The following MAGI2 variants were observed in gnomAD, a reference collection of about 807,000 sequenced individuals.
MAGI2 encodes the protein membrane associated guanylate kinase, WW and PDZ domain containing 2.
MAGI2 carries 35 observed loss-of-function variants against 133.3 expected under a neutral mutation model. The ratio of observed to expected loss-of-function variants is 0.26; its 90% CI spans 0.20 to 0.35. MAGI2 has a LOEUF of 0.35. MAGI2 is among the 10% of genes least tolerant of loss of function. The pLI, the probability that MAGI2 is intolerant of heterozygous loss-of-function variation, is 1.00. For synonymous variants in MAGI2, 729 were observed against 710.6 expected, an observed-to-expected ratio of 1.03 and a Z score of -0.41; for missense variants, 1,636 against 1,863.4, an observed-to-expected ratio of 0.88 and a Z score of 2.25.
chr7:79,260,133 C>T (rs537991414), intron 1 of MAGI2, among the ~76,000 whole-genome samples: 3 of 152,290 alleles, frequency 2.0e-5, no homozygotes, highest in African/African-American at 7.2e-5. Context: ...GCAGGTGGAT[C>T]GCTTGAACTC....
At chr7:79,153,563 G>A (rs771002142) in intron 1 of MAGI2, among the ~76,000 whole-genome samples, 100 of 152,134 alleles carry the variant, frequency 6.6e-4, no homozygotes, top group Non-Finnish European at 1.2e-3. Context: ...GAGTAACTAC[G>A]TGAAAATGAA....
chr7:79,228,370 A>AAAAAAAAAAAAAAAAAAAAAAAAAC (rs1491129211), intron 1 of MAGI2, among the ~76,000 whole-genome samples: 6 of 147,256 alleles, frequency 4.1e-5, no homozygotes, highest in Non-Finnish European at 6.0e-5. Context: ...AAAAAAAAAA[A>AAAAAAAAAAAAAAAAAAAAAAAAAC]GATCGTGGGA....
At chr7:78,297,745 C>G (rs1050119625) in intron 9 of MAGI2, among the ~76,000 whole-genome samples, 1 of 149,212 alleles carries the variant, frequency 6.7e-6, no homozygotes, top group Non-Finnish European at 1.5e-5. Flanking sequence ...AACCAAACAC[C>G]GCATATTCTC....
At chr7:79,209,814 A>G (rs1829357050) in intron 1 of MAGI2, among the ~76,000 whole-genome samples, 1 of 152,090 alleles carries the variant, frequency 6.6e-6, no homozygotes, top group Admixed American at 6.5e-5. Flanking sequence ...TATCTCCTCT[A>G]TAAGACTGTT....
chr7:78,059,905 A>G (rs1449191168), intron 21 of MAGI2, among the ~76,000 whole-genome samples: 1 of 151,984 alleles, frequency 6.6e-6, no homozygotes, highest in Non-Finnish European at 1.5e-5. Context: ...CCCCTTTTCC[A>G]CAACAGAAAG....
chr7:79,410,396 C>T (rs959230726), intron 1 of MAGI2: 1 of 152,048 alleles, frequency 6.6e-6, no homozygotes, highest in African/African-American at 2.4e-5. Flanking sequence ...TATATCCATC[C>T]AACAGTGTGT....
chr7:79,218,348 A>G (rs1476352544), intron 1 of MAGI2, among the ~76,000 whole-genome samples: 1 of 152,076 alleles, frequency 6.6e-6, no homozygotes, highest in Non-Finnish European at 1.5e-5. Context: ...CACGTATTAC[A>G]TAACATTGAG....
intron 1 of MAGI2, among the ~76,000 whole-genome samples, chr7:79,333,257 A>AGCC (rs1257059774): frequency 6.6e-6 from 1 of 151,988 alleles, no homozygotes; most frequent in Non-Finnish European, 1.5e-5. Context: ...CCTCATGAGT[A>AGCC]GCCGGGATTA....
chr7:78,806,074 C>A (rs1269448147), intron 2 of MAGI2, among the ~76,000 whole-genome samples: 1 of 152,152 alleles, frequency 6.6e-6, no homozygotes, highest in Admixed American at 6.5e-5. Flanking sequence ...TAGGAACACA[C>A]AAGTAACTGA....
chr7:79,402,694 G>A (rs1175950918), intron 1 of MAGI2, among the ~76,000 whole-genome samples: 1 of 152,090 alleles, frequency 6.6e-6, no homozygotes, highest in Non-Finnish European at 1.5e-5. Context: ...GGGCGCAGTG[G>A]CTCACACCTG....
chr7:78,732,123 T>C, intron 2 of MAGI2, among the ~76,000 whole-genome samples: 1 of 152,226 alleles, frequency 6.6e-6, no homozygotes, highest in South Asian at 2.1e-4. Context: ...TCTGAATCTG[T>C]TAGGAAGAGC....
intron 1 of MAGI2, among the ~76,000 whole-genome samples, chr7:79,217,974 A>G (rs1451353151): frequency 6.6e-6 from 1 of 151,972 alleles, no homozygotes; most frequent in African/African-American, 2.4e-5. Flanking sequence ...ACATGCACGA[A>G]TATTAGGCTT....
At chr7:78,616,217 T>A (rs931535629) in intron 3 of MAGI2, 1 of 152,326 alleles carries the variant, frequency 6.6e-6, no homozygotes, top group South Asian at 2.1e-4. Context: ...GGAATTTGTA[T>A]ATTTTGCAAT....
chr7:78,456,071 A>G (rs1264069986), intron 6 of MAGI2, among the ~76,000 whole-genome samples: 1 of 150,366 alleles, frequency 6.7e-6, no homozygotes. Flanking sequence ...TACATGATGT[A>G]CTTTTTTTTT....
At chr7:78,847,398 A>G (rs1792721360) in intron 2 of MAGI2, among the ~76,000 whole-genome samples, 1 of 151,988 alleles carries the variant, frequency 6.6e-6, no homozygotes, top group African/African-American at 2.4e-5. Flanking sequence ...TTAGAAGAGG[A>G]AGAGACTATT....
chr7:78,022,804 C>T (rs1395849401), intron 21 of MAGI2, among the ~76,000 whole-genome samples: 2 of 152,178 alleles, frequency 1.3e-5, no homozygotes, highest in African/African-American at 2.4e-5. Context: ...TTTCCCTCCT[C>T]CAGTGATTTT....
chr7:79,144,762 G>C (rs1822456746), intron 1 of MAGI2, among the ~76,000 whole-genome samples: 1 of 152,106 alleles, frequency 6.6e-6, no homozygotes. Context: ...AGCTTCCAAA[G>C]GTCAAATGTC....
intron 3 of MAGI2, among the ~76,000 whole-genome samples, chr7:78,622,789 T>C (rs1218132000): frequency 6.6e-6 from 1 of 152,022 alleles, no homozygotes; most frequent in Non-Finnish European, 1.5e-5. Context: ...CAGGTCATTA[T>C]GTGACTTGAG....
intron 2 of MAGI2, among the ~76,000 whole-genome samples, chr7:78,870,004 A>T (rs1794900994): frequency 6.6e-6 from 1 of 152,154 alleles, no homozygotes; most frequent in Non-Finnish European, 1.5e-5. Context: ...GCCTTGTAGT[A>T]TAGTTTGAAG....
Sources: gnomAD v4.1 joint callset for allele counts (sites outside exome capture counted in the v4.1 genomes callset) on GRCh38, gnomAD v4.1.1 for gene constraint, MANE v1.5 for transcripts, NCBI Gene and HGNC (gene_info 2026-07-23, HGNC 2026-07-21) for gene names.